The following CSNK2A2IP variants were observed in gnomAD, a reference collection of about 807,000 sequenced individuals.
CSNK2A2IP encodes the protein casein kinase 2 subunit alpha' interacting protein.
the CSNK2A2IP span, among the ~76,000 whole-genome samples, chr3:88,462,302 T>G: frequency 6.6e-6 from 1 of 152,134 alleles, no homozygotes; most frequent in African/African-American, 2.4e-5. Context: ...TATTTCATTT[T>G]GCCATCTAGA....
chr3:88,440,694 CT>C, the CSNK2A2IP span, among the ~76,000 whole-genome samples: 26 of 152,006 alleles, frequency 1.7e-4, no homozygotes, highest in African/African-American at 4.6e-4. Context: ...GAAATTAAAG[CT>C]TTTTTTTCCC....
At chr3:88,466,585 A>T in the CSNK2A2IP span, 15 of 1,231,554 alleles carry the variant, frequency 1.2e-5, no homozygotes, top group African/African-American at 1.6e-4. Context: ...AAATAAAGAA[A>T]TTCCTTGGAC....
the CSNK2A2IP span, among the ~76,000 whole-genome samples, chr3:88,438,077 T>TCG: frequency 6.6e-6 from 1 of 152,142 alleles, no homozygotes; most frequent in Non-Finnish European, 1.5e-5. Flanking sequence ...TTCTACTCTT[T>TCG]ACAGCTAAAG....
chr3:88,458,141 G>GGTTTTTTTTTTT, the CSNK2A2IP span, among the ~76,000 whole-genome samples: 3 of 83,304 alleles, frequency 3.6e-5, 1 homozygote. Flanking sequence ...TGTAATTGTG[G>GGTTTTTTTTTTT]TTTTTTTTTT....
the CSNK2A2IP span, among the ~76,000 whole-genome samples, chr3:88,380,480 T>C: frequency 6.6e-6 from 1 of 151,586 alleles, no homozygotes; most frequent in Non-Finnish European, 1.5e-5. Flanking sequence ...ATTTCTTAAA[T>C]ATTATATTTG....
the CSNK2A2IP span, among the ~76,000 whole-genome samples, chr3:88,407,341 T>G: frequency 6.7e-6 from 1 of 149,264 alleles, no homozygotes; most frequent in African/African-American, 2.5e-5. Flanking sequence ...TGCATATTCA[T>G]GCATATCTTG....
the CSNK2A2IP span, among the ~76,000 whole-genome samples, chr3:88,341,480 C>T: frequency 6.6e-5 from 10 of 151,630 alleles, no homozygotes; most frequent in Admixed American, 2.0e-4. Context: ...AGTTATGAGA[C>T]TTCTGTGAGC....
At chr3:88,372,784 A>T in the CSNK2A2IP span, among the ~76,000 whole-genome samples, 3 of 151,500 alleles carry the variant, frequency 2.0e-5, no homozygotes, top group Non-Finnish European at 3.0e-5. Flanking sequence ...GAAAGTAAAA[A>T]AATAGAAAAA....
At chr3:88,436,366 A>C in the CSNK2A2IP span, among the ~76,000 whole-genome samples, 2 of 152,068 alleles carry the variant, frequency 1.3e-5, no homozygotes, top group South Asian at 4.1e-4. Context: ...CTACCAACAT[A>C]ATTTCAGGAT....
At chr3:88,356,132 CA>C in the CSNK2A2IP span, among the ~76,000 whole-genome samples, 1 of 152,056 alleles carries the variant, frequency 6.6e-6, no homozygotes, top group Non-Finnish European at 1.5e-5. Flanking sequence ...TTGAAATATA[CA>C]ATAAGTTATT....
the CSNK2A2IP span, among the ~76,000 whole-genome samples, chr3:88,451,948 C>T: frequency 1.3e-5 from 2 of 151,882 alleles, no homozygotes; most frequent in South Asian, 4.1e-4. Context: ...ATTGAGTTTC[C>T]TATTCTTCCT....
the CSNK2A2IP span, among the ~76,000 whole-genome samples, chr3:88,370,586 CTCTT>C: frequency 2.8e-5 from 4 of 140,676 alleles, no homozygotes; most frequent in African/African-American, 7.6e-5. Flanking sequence ...CTTTCTCTCT[CTCTT>C]TCTTTCTTTC....
chr3:88,379,466 G>A, the CSNK2A2IP span, among the ~76,000 whole-genome samples: 1 of 152,048 alleles, frequency 6.6e-6, no homozygotes, highest in African/African-American at 2.4e-5. Flanking sequence ...TAATATGCTT[G>A]TGCAATTAAT....
chr3:88,447,673 C>T, the CSNK2A2IP span, among the ~76,000 whole-genome samples: 1 of 151,880 alleles, frequency 6.6e-6, no homozygotes, highest in East Asian at 1.9e-4. Context: ...AATGCAGATA[C>T]ATAGTAACGA....
At chr3:88,424,308 C>T in the CSNK2A2IP span, among the ~76,000 whole-genome samples, 2 of 152,146 alleles carry the variant, frequency 1.3e-5, no homozygotes, top group Admixed American at 6.6e-5. Flanking sequence ...ATAGAAACAA[C>T]TCTAGTTACC....
the CSNK2A2IP span, among the ~76,000 whole-genome samples, chr3:88,427,006 A>T: frequency 2.0e-5 from 3 of 152,060 alleles, no homozygotes; most frequent in African/African-American, 7.2e-5. Context: ...AAGAAAGAAA[A>T]ATGTGGGAAA....
chr3:88,459,081 T>G, the CSNK2A2IP span, among the ~76,000 whole-genome samples: 5 of 152,178 alleles, frequency 3.3e-5, no homozygotes, highest in Non-Finnish European at 5.9e-5. Flanking sequence ...CAATTTCCAA[T>G]GATAAGTTTT....
At chr3:88,387,868 G>T in the CSNK2A2IP span, among the ~76,000 whole-genome samples, 8 of 152,212 alleles carry the variant, frequency 5.3e-5, no homozygotes, top group South Asian at 2.1e-4. Context: ...AGGACTACAG[G>T]TTCATGACAC....
the CSNK2A2IP span, among the ~76,000 whole-genome samples, chr3:88,461,512 C>T: frequency 6.6e-6 from 1 of 152,114 alleles, no homozygotes; most frequent in Non-Finnish European, 1.5e-5. Context: ...GAGATCAAGC[C>T]ACTGCACTCC....
Sources: allele counts gnomAD v4.1 joint callset (sites outside exome capture counted in the v4.1 genomes callset), GRCh38; gene constraint gnomAD v4.1.1; transcripts MANE v1.5; gene names NCBI Gene and HGNC (gene_info 2026-07-23, HGNC 2026-07-21).